Variants in CMC2 observed in about 807,000 individuals in gnomAD.
CMC2 encodes C-X9-C motif containing 2.
Under a neutral mutation model 7.5 loss-of-function variants are expected in CMC2, and 5 were observed. The ratio of observed to expected loss-of-function variants is 0.66; its 90% CI spans 0.35 to 1.40. The LOEUF is 1.40. Ranked by LOEUF, CMC2 falls within the 40% of genes most tolerant of loss-of-function variation. CMC2 has a pLI of 0.04. For synonymous variants in CMC2, 37 were observed against 31.4 expected, an observed-to-expected ratio of 1.18 and a Z score of -0.60; for missense variants, 115 against 92.3, an observed-to-expected ratio of 1.25 and a Z score of -1.01.
At chr16:80,989,670 T>C (rs1967819519) in intron 2 of CMC2, among the ~76,000 whole-genome samples, 1 of 147,504 alleles carries the variant, frequency 6.8e-6, no homozygotes, top group African/African-American at 2.5e-5. Context: ...ATATATTGAA[T>C]ATATACATGA....
At chr16:80,988,095 G>C (rs560104834) in intron 2 of CMC2, among the ~76,000 whole-genome samples, 4 of 152,250 alleles carry the variant, frequency 2.6e-5, no homozygotes, top group East Asian at 1.9e-4. Context: ...GAGGCAGAAG[G>C]ATCACTTGAG....
intron 3 of CMC2, among the ~76,000 whole-genome samples, 176 bp from the exon 4 acceptor site, chr16:80,976,355 A>C (rs1376642830): frequency 2.0e-5 from 3 of 152,248 alleles, no homozygotes; most frequent in Non-Finnish European, 4.4e-5. Context: ...ACCAAATCTG[A>C]GATTGGAAAT....
At chr16:80,982,992 G>C (rs1057409144) in intron 2 of CMC2, 1 of 187,922 alleles carries the variant, frequency 5.3e-6, no homozygotes, top group Non-Finnish European at 1.1e-5. Context: ...ATTGAGGTCT[G>C]CAGCTGTGGT....
rs1967141294 is a variant in CMC2 at position 80,981,875 on chromosome 16, G to C, written c.84C>G (p.His28Gln). The change falls in exon 3 of 4, where the codon CAC becomes CAG. Residue 28 changes from histidine to glutamine, a missense_variant and splice_region_variant. Coordinates refer to ENST00000219400, the MANE Select transcript of CMC2 (RefSeq NM_020188.5). ...AATAACCAAAAAATTTCAGAATGTT[G>C]TGCTAAAAGGAAGAAAAGGAGTAAA... is the stretch of plus-strand genomic sequence containing the variant. ...INLLKECHKN[H>Q]NILKFFGYCN... 1 of 1,603,110 alleles carries C rather than the reference G, an allele frequency of 6.2e-7. No homozygotes were observed. Among genetic ancestry groups the C allele is most frequent in the Non-Finnish European group, 8.5e-7 (1 of 1,171,914 alleles).
At chr16:80,993,362 T>C (rs1026865103) in intron 2 of CMC2, among the ~76,000 whole-genome samples, 2 of 152,090 alleles carry the variant, frequency 1.3e-5, no homozygotes, top group African/African-American at 4.8e-5. Flanking sequence ...AGGAGAATGG[T>C]AGTTTCACCG....
At chr16:81,002,292 G>A (rs1028668471) in intron 1 of CMC2, among the ~76,000 whole-genome samples, 6 of 152,062 alleles carry the variant, frequency 3.9e-5, no homozygotes, top group Non-Finnish European at 7.4e-5. Context: ...TGGGCGTGTT[G>A]GTGGGCGCCT....
chr16:80,998,484 T>C (rs559227135), intron 1 of CMC2: 40 of 152,180 alleles, frequency 2.6e-4, no homozygotes, highest in African/African-American at 9.6e-4. Context: ...CTCAAAAAAT[T>C]AAAAATGAAA....
intron 1 of CMC2, chr16:80,998,452 GTGGAAAC>G (rs1968602316): frequency 6.6e-6 from 1 of 152,092 alleles, no homozygotes. Flanking sequence ...GATAGCCACT[GTGGAAAC>G]TGGTATAGCA....
chr16:80,971,352 C>G lies in CMC2; in HGVS notation c.*4741G>C, dbSNP rs372522088. ...GACTGGATATCTAAGTGACCATCTA[C>G]GGGGAAATACATAAACCGTGGTATA... On this transcript the variant is annotated 3_prime_UTR_variant, in exon 4 of 4. Transcript: ENST00000219400. 8 of 151,220 alleles carry G rather than the reference C, an allele frequency of 5.3e-5. No homozygotes were observed. The highest frequency in any genetic ancestry group is 2.0e-4 in the Admixed American group (3 of 15,158). 9.4% of individuals were successfully genotyped at this position (151,220 alleles called of 1,614,324 possible). A position where few individuals can be genotyped will look rare whatever the true frequency, so the allele number is the denominator to read the frequency against.
intron 2 of CMC2, among the ~76,000 whole-genome samples, chr16:80,995,025 A>C (rs1186697330): frequency 6.6e-6 from 1 of 152,084 alleles, no homozygotes; most frequent in Non-Finnish European, 1.5e-5. Context: ...ACACACCTGT[A>C]ATCCCAGCTC....
chr16:80,978,264 G>T, intron 3 of CMC2: 1 of 1,118,908 alleles, frequency 8.9e-7, no homozygotes, highest in Non-Finnish European at 1.1e-6. Flanking sequence ...CTACTGGATT[G>T]CCCCCAGCAA....
chr16:80,999,149 C>G (rs181419200), intron 1 of CMC2, among the ~76,000 whole-genome samples: 1 of 152,274 alleles, frequency 6.6e-6, no homozygotes, highest in South Asian at 2.1e-4. Flanking sequence ...GTCAAACTGT[C>G]TCTCTTCACT....
At chr16:80,984,132 G>A (rs1967344018) in intron 2 of CMC2, 1 of 152,208 alleles carries the variant, frequency 6.6e-6, no homozygotes, top group Non-Finnish European at 1.5e-5. Context: ...CTAGTCCTAT[G>A]AGTATTATCG....
At chr16:80,994,945 A>C (rs1968287186) in intron 2 of CMC2, among the ~76,000 whole-genome samples, 1 of 152,082 alleles carries the variant, frequency 6.6e-6, no homozygotes, top group African/African-American at 2.4e-5. Context: ...CAGGAGTTCG[A>C]GACCAGCCTG....
chr16:80,978,173 A>G (rs1567504774), intron 3 of CMC2: 5 of 682,868 alleles, frequency 7.3e-6, no homozygotes, highest in Admixed American at 1.2e-4. Flanking sequence ...ATTGTTGGGG[A>G]AAAAATCAAT....
chr16:80,988,288 C>T (rs1255279535), intron 2 of CMC2, among the ~76,000 whole-genome samples: 1 of 152,122 alleles, frequency 6.6e-6, no homozygotes, highest in Non-Finnish European at 1.5e-5. Flanking sequence ...GACATGGTCT[C>T]ACTCCGTTGC....
rs766082922 is a variant in CMC2 at position 80,981,794 on chromosome 16, C to T, written c.153+12G>A. On this transcript the variant is annotated intron_variant, in intron 3 of 3. Coordinates refer to ENST00000219400, the MANE Select transcript of CMC2 (RefSeq NM_020188.5). ...TTGTTCAACCATATCCATCCTTTGA[C>T]ACTTTTCTTACCTCATTCTTCAGGC... 14 of 1,569,400 alleles carry T rather than the reference C, an allele frequency of 8.9e-6. No homozygotes were observed. In the East Asian group the frequency reaches 3.2e-4, roughly 35 times the overall value.
Position 80,971,496 on chromosome 16 carries a change from C to T in CMC2, c.*4597G>A, listed in dbSNP as rs1253519290. ...CTACCAAAGGCTACACACATCATGA[C>T]GCCTCCTAAGTAAAATGACTAAACA... On this transcript the variant is annotated 3_prime_UTR_variant, in exon 4 of 4. Coordinates refer to ENST00000219400, the MANE Select transcript of CMC2 (RefSeq NM_020188.5). The T allele has an allele frequency of 2.8e-5, 4 of 141,556 alleles. No individual in the cohort carries two copies. The East Asian group carries it at 6.0e-4, about 21-fold the overall frequency. The allele number at this position is 141,556 out of a possible 1,614,324, so 8.8% of individuals were successfully genotyped here.
At chr16:81,000,773 T>C (rs2549867) in intron 1 of CMC2, among the ~76,000 whole-genome samples, 95,824 of 152,102 alleles carry the variant, frequency 0.63, 31,713 homozygotes, top group South Asian at 0.79. Flanking sequence ...TCACCCACTG[T>C]GGAAAGCAGT....
Sources: gnomAD v4.1 joint callset for allele counts (sites outside exome capture counted in the v4.1 genomes callset) on GRCh38, gnomAD v4.1.1 for gene constraint, MANE v1.5 for transcripts, NCBI Gene and HGNC (gene_info 2026-07-23, HGNC 2026-07-21) for gene names.